The following C2orf78 variants were observed in gnomAD, a reference collection of about 807,000 sequenced individuals.
C2orf78 encodes the protein chromosome 2 open reading frame 78, also known as uncharacterized protein C2orf78.
C2orf78 carries 12 observed loss-of-function variants against 21.4 expected under a neutral mutation model. The ratio of observed to expected loss-of-function variants is 0.56; its 90% CI spans 0.36 to 0.91. C2orf78 has a LOEUF of 0.91. Ranked by LOEUF, C2orf78 falls within the 40% of genes least tolerant of loss-of-function variation. C2orf78 has a pLI of 0.01. For missense variants in C2orf78, 1,042 were observed against 1,092.4 expected (o/e 0.95, Z 0.65); for synonymous variants, 396 against 413.9 (o/e 0.96, Z 0.52).
chr2:73,813,732 C>G, exon 2 of C2orf78: 1 of 1,614,026 alleles, frequency 6.2e-7, no homozygotes, highest in Non-Finnish European at 8.5e-7. Context: ...CATATCTGTA[C>G]TTCAGCTGCC....
intron 2 of C2orf78, among the ~76,000 whole-genome samples, chr2:73,814,769 G>C (rs887338030): frequency 6.6e-6 from 1 of 152,186 alleles, no homozygotes; most frequent in Non-Finnish European, 1.5e-5. Context: ...GGAGAGAATT[G>C]AAAGGACCCT....
rs371376272 is a variant in C2orf78 at position 73,785,493 on chromosome 2, CA to C, written c.97+1091del. 5.7e-4 allele frequency among the ~76,000 whole-genome samples: 75 copies of C among 131,218 alleles called. No individual in the cohort carries two copies. In the East Asian group the frequency reaches 0.013, roughly 23 times the overall value. 86.1% of individuals were successfully genotyped at this position (131,218 alleles called of 152,430 possible). On this transcript the variant is annotated intron_variant, in intron 1 of 2. Transcript: ENST00000409561. ...CCTTGGGATATGCCCTGGAGAATGA[CA>C]AAATGATTTTAAAAGAAAAAAATAT...
intron 1 of C2orf78, among the ~76,000 whole-genome samples, chr2:73,812,587 T>C (rs1448805071): frequency 6.6e-6 from 1 of 152,090 alleles, no homozygotes; most frequent in East Asian, 1.9e-4. Context: ...GATAATCTGA[T>C]GTCAGGAGTT....
At chr2:73,785,805 G>C (rs992602179) in intron 1 of C2orf78, among the ~76,000 whole-genome samples, 6 of 152,002 alleles carry the variant, frequency 3.9e-5, no homozygotes, top group Admixed American at 6.6e-5. Flanking sequence ...CCAGCACTTT[G>C]GGAGGCCGAG....
intron 1 of C2orf78, among the ~76,000 whole-genome samples, chr2:73,785,961 A>C (rs375344441): frequency 2.6e-5 from 4 of 151,676 alleles, no homozygotes; most frequent in Admixed American, 2.6e-4. Flanking sequence ...CAGGACAATC[A>C]CTTGAACCCG....
Position 73,814,229 on chromosome 2 carries a change from G to A in C2orf78, c.847+3G>A. Reference sequence around the variant, plus strand: ...CATCACAGAAACCAGTGTTCAAGGTGAGTACAAACATCAAGAAAGGAGAGG... The same window carrying A: ...CATCACAGAAACCAGTGTTCAAGGTAAGTACAAACATCAAGAAAGGAGAGG... On this transcript the variant is annotated splice_donor_region_variant and intron_variant, in intron 2 of 2. Transcript: ENST00000409561. 6.4e-7 allele frequency: 1 copy of A among 1,563,126 alleles called. No individual in the cohort carries two copies. Among genetic ancestry groups the A allele is most frequent in the South Asian group, 1.2e-5 (1 of 84,162 alleles).
Position 73,807,984 on chromosome 2 carries a change from G to A in C2orf78, c.98-5493G>A, listed in dbSNP as rs141285925. Among the ~76,000 whole-genome samples the A allele has an allele frequency of 4.4e-3, 660 of 151,170 alleles. 51 individuals are homozygous for A. The highest frequency in any genetic ancestry group is 0.015 in the African/African-American group (621 of 40,622). On this transcript the variant is annotated intron_variant, in intron 1 of 2. Transcript: ENST00000409561. ...TAAAATCGGCAGTAGGGCCGGGTGC[G>A]GTGGCTCCCGCCTGTAATCCCAGCA...
chr2:73,808,795 T>C (rs892319324), intron 1 of C2orf78: 2 of 1,431,926 alleles, frequency 1.4e-6, no homozygotes, highest in African/African-American at 2.9e-5. Flanking sequence ...GTGGCCTTCA[T>C]ACTGGACACA....
At chr2:73,812,630 G>A (rs1182670089) in intron 1 of C2orf78, among the ~76,000 whole-genome samples, 5 of 151,996 alleles carry the variant, frequency 3.3e-5, no homozygotes, top group South Asian at 2.1e-4. Flanking sequence ...GCAAAACCCC[G>A]TCTCTATTAA....
exon 3 of C2orf78, chr2:73,816,766 A>C: frequency 6.2e-7 from 1 of 1,613,954 alleles, no homozygotes; most frequent in Non-Finnish European, 8.5e-7. Flanking sequence ...TTTCTAATCC[A>C]AGACTTCAGC....
chr2:73,817,017 T>TG, exon 3 of C2orf78: 1 of 1,579,290 alleles, frequency 6.3e-7, no homozygotes, highest in Non-Finnish European at 8.6e-7. Context: ...GGTTTTACTT[T>TG]GGATACCGCT....
chr2:73,816,400 T>C (rs562447855), exon 3 of C2orf78: 51 of 1,613,912 alleles, frequency 3.2e-5, no homozygotes, highest in East Asian at 4.5e-5. Context: ...TTTCTGACCC[T>C]GGACCAACCT....
chr2:73,786,399 C>T (rs1247771449), intron 1 of C2orf78, among the ~76,000 whole-genome samples: 5 of 141,080 alleles, frequency 3.5e-5, no homozygotes, highest in Non-Finnish European at 6.1e-5. Context: ...AACAAATAAA[C>T]AAACAAATGA....
At chr2:73,816,527 C>T in exon 3 of C2orf78, 1 of 1,613,932 alleles carries the variant, frequency 6.2e-7, no homozygotes, top group South Asian at 1.1e-5. Flanking sequence ...TCAATCCATC[C>T]CGACCAGCTC....
chr2:73,810,023 AG>A (rs902732451), intron 1 of C2orf78, among the ~76,000 whole-genome samples: 28 of 152,308 alleles, frequency 1.8e-4, no homozygotes, highest in African/African-American at 6.7e-4. Context: ...TGAAAAAAAA[AG>A]CAAAAGGACA....
At chr2:73,812,205 G>C (rs1386670381) in intron 1 of C2orf78, among the ~76,000 whole-genome samples, 2 of 152,170 alleles carry the variant, frequency 1.3e-5, no homozygotes, top group African/African-American at 4.8e-5. Flanking sequence ...AGAAAGAGTA[G>C]ATACTATTCA....
At chr2:73,816,996 C>T in exon 3 of C2orf78, 1 of 1,600,924 alleles carries the variant, frequency 6.2e-7, no homozygotes, top group Non-Finnish European at 8.5e-7. Flanking sequence ...AATCTAAGAG[C>T]TGAGATTGTT....
chr2:73,813,516 C>A, exon 2 of C2orf78: 3 of 1,611,604 alleles, frequency 1.9e-6, no homozygotes, highest in Non-Finnish European at 8.5e-7. Flanking sequence ...ACTGCAAATT[C>A]TCGGCAGTTC....
intron 1 of C2orf78, among the ~76,000 whole-genome samples, chr2:73,809,749 A>T (rs1202689710): frequency 3.3e-5 from 5 of 152,186 alleles, no homozygotes; most frequent in Admixed American, 2.0e-4. Context: ...ACACCACTGG[A>T]CTTCAGCCTG....
Sources: gnomAD v4.1 joint callset for allele counts (sites outside exome capture counted in the v4.1 genomes callset) on GRCh38, gnomAD v4.1.1 for gene constraint, MANE v1.5 for transcripts, NCBI Gene and HGNC (gene_info 2026-07-23, HGNC 2026-07-21) for gene names.